The following MYOZ2 variants were observed in gnomAD, a reference collection of about 807,000 sequenced individuals.
MYOZ2 encodes the protein myozenin-2.
MYOZ2 carries 19 observed loss-of-function variants against 25.4 expected under a neutral mutation model. The ratio of observed to expected loss-of-function variants is 0.75; its 90% CI spans 0.52 to 1.10. MYOZ2 has a LOEUF of 1.10. Ranked by LOEUF, MYOZ2 falls within the 50% of genes least tolerant of loss-of-function variation. The probability of loss-of-function intolerance (pLI) is 0.00; values close to 1 mark genes in which losing one functional copy is unlikely to be tolerated. For synonymous variants in MYOZ2, 92 were observed against 106.9 expected, an observed-to-expected ratio of 0.86 and a Z score of 0.86; for missense variants, 270 against 317.9, an observed-to-expected ratio of 0.85 and a Z score of 1.15.
chr4:119,176,574 A>C (rs1472257208), intron 5 of MYOZ2, among the ~76,000 whole-genome samples: 1 of 152,220 alleles, frequency 6.6e-6, no homozygotes, highest in South Asian at 2.1e-4. Flanking sequence ...ATAAAATATC[A>C]TCTTGAACAT....
chr4:119,147,510 G>T (rs1010136373), intron 2 of MYOZ2, among the ~76,000 whole-genome samples: 9 of 152,046 alleles, frequency 5.9e-5, no homozygotes, highest in African/African-American at 1.7e-4. Context: ...GGAGACCGAG[G>T]TGGGCGGATC....
intron 2 of MYOZ2, among the ~76,000 whole-genome samples, chr4:119,148,128 G>A (rs544273903): frequency 6.6e-6 from 1 of 152,094 alleles, no homozygotes; most frequent in African/African-American, 2.4e-5. Flanking sequence ...TGGGATTCTG[G>A]GTTGACAATT....
intron 5 of MYOZ2, among the ~76,000 whole-genome samples, chr4:119,176,627 C>A (rs756074451): frequency 2.3e-4 from 35 of 152,238 alleles, no homozygotes; most frequent in Non-Finnish European, 4.3e-4. Context: ...AAATTTGAGA[C>A]ATAAAGACTC....
rs1741440979 is a variant in MYOZ2 at position 119,151,100 on chromosome 4, T to G, written c.246+59T>G. 2.7e-6 allele frequency: 4 copies of G among 1,493,396 alleles called. No homozygotes were observed. The African/African-American group carries it at 5.5e-5, about 21-fold the overall frequency. The allele number at this position is 1,493,396 out of a possible 1,614,324, so 92.5% of individuals were successfully genotyped here. On this transcript the variant is annotated intron_variant, in intron 3 of 5. Transcript: ENST00000307128. Reference sequence around the variant, plus strand: ...AATGCGCAATATTTCTAAATTTGTATTTATGACTAGTTTCTGAAGGAAGTA... The same window carrying G: ...AATGCGCAATATTTCTAAATTTGTAGTTATGACTAGTTTCTGAAGGAAGTA...
chr4:119,159,265 A>G (rs1052263376), intron 4 of MYOZ2, among the ~76,000 whole-genome samples: 1 of 152,136 alleles, frequency 6.6e-6, no homozygotes, highest in African/African-American at 2.4e-5. Flanking sequence ...CCCTATCTCT[A>G]CAAAAAATAA....
rs202187477 is a variant in MYOZ2, at chr4:119,148,725, A to ATTTTTTTTTT, written c.77-2136_77-2127dup. 8.9e-5 allele frequency among the ~76,000 whole-genome samples: 6 copies of ATTTTTTTTTT among 67,134 alleles called. 1 individual carries two copies. Among genetic ancestry groups the ATTTTTTTTTT allele is most frequent in the African/African-American group, 1.9e-4 (3 of 15,440 alleles). The allele number at this position is 67,134 out of a possible 152,430, so 44.0% of individuals were successfully genotyped here. ...TTATATCTTTTATTTCTCGACTGAG[A>ATTTTTTTTTT]TTTTTTTTTTTTTTTTTTTTGCTGC... is the stretch of plus-strand genomic sequence containing the variant. On this transcript the variant is annotated intron_variant, in intron 2 of 5. Coordinates refer to ENST00000307128, the MANE Select transcript of MYOZ2 (RefSeq NM_016599.5).
Position 119,143,305 on chromosome 4 carries a change from C to G in MYOZ2, c.76+6704C>G, listed in dbSNP as rs555758424. On this transcript the variant is annotated intron_variant, in intron 2 of 5. Transcript: ENST00000307128. ...CTGCCTCCCAGGTTCAAGCGATTCT[C>G]CTGCTTCAGCCTCCCGAGTAGCTGG... Among the ~76,000 whole-genome samples, 5 of 152,104 alleles carry G rather than the reference C, an allele frequency of 3.3e-5. No homozygotes were observed. The East Asian group carries it at 9.7e-4, about 29-fold the overall frequency.
intron 3 of MYOZ2, among the ~76,000 whole-genome samples, chr4:119,155,424 T>C (rs950318146): frequency 1.3e-5 from 2 of 152,148 alleles, no homozygotes; most frequent in Non-Finnish European, 2.9e-5. Flanking sequence ...ATAGGTTTTA[T>C]TGAAGTATTG....
chr4:119,148,563 G>A (rs6857944), intron 2 of MYOZ2, among the ~76,000 whole-genome samples: 89,577 of 151,666 alleles, frequency 0.59, 28,719 homozygotes, highest in Non-Finnish European at 0.72. Flanking sequence ...TCTCTGTGTT[G>A]GTCTTATTGG....
At chr4:119,138,654 A>C (rs894475358) in intron 2 of MYOZ2, among the ~76,000 whole-genome samples, 1 of 152,182 alleles carries the variant, frequency 6.6e-6, no homozygotes, top group African/African-American at 2.4e-5. Context: ...TATAAAGATA[A>C]ATTGAAAAGG....
At chr4:119,170,933 C>T (rs9993110) in intron 5 of MYOZ2, among the ~76,000 whole-genome samples, 52,776 of 151,966 alleles carry the variant, frequency 0.35, 10,418 homozygotes, top group East Asian at 0.52. Context: ...ATAATAGACA[C>T]ATTATCTTAA....
At chr4:119,181,644 T>G (rs987049408) in intron 5 of MYOZ2, among the ~76,000 whole-genome samples, 5 of 152,222 alleles carry the variant, frequency 3.3e-5, no homozygotes, top group Non-Finnish European at 7.3e-5. Flanking sequence ...ATATATGTGA[T>G]GGAGGCATAT....
intron 3 of MYOZ2, 93 bp downstream of exon 3, chr4:119,151,134 A>G: frequency 7.7e-7 from 1 of 1,300,188 alleles, no homozygotes; most frequent in Middle Eastern, 2.5e-4. Context: ...TATTCTATAT[A>G]TTTTCTTTCA....
At chr4:119,160,561 TG>T (rs1420709987) in intron 4 of MYOZ2, among the ~76,000 whole-genome samples, 2 of 152,172 alleles carry the variant, frequency 1.3e-5, no homozygotes, top group African/African-American at 4.8e-5. Flanking sequence ...CAACATCATA[TG>T]TGCATTTTAT....
intron 2 of MYOZ2, among the ~76,000 whole-genome samples, chr4:119,146,945 G>T (rs149522010): frequency 6.6e-6 from 1 of 151,898 alleles, no homozygotes. Context: ...TTGTGGATTC[G>T]CACTTTAATC....
chr4:119,147,094 C>T (rs6534129), intron 2 of MYOZ2, among the ~76,000 whole-genome samples: 144,524 of 152,274 alleles, frequency 0.95, 68,664 homozygotes, highest in Admixed American at 0.96. Flanking sequence ...ATAATGTTAT[C>T]ATAGGCAGTG....
Position 119,153,761 on chromosome 4 carries a change from C to A in MYOZ2, c.246+2720C>A, listed in dbSNP as rs535602111. Among the ~76,000 whole-genome samples the A allele has an allele frequency of 2.0e-5, 3 of 152,210 alleles. No homozygotes were observed. The East Asian group carries it at 5.8e-4, about 29-fold the overall frequency. Reference sequence around the variant, plus strand: ...AAAATAAGTGTAGCTTTGAATTCTACTGGTGAGGGACACTGGCAAATTCAA... The same window carrying A: ...AAAATAAGTGTAGCTTTGAATTCTAATGGTGAGGGACACTGGCAAATTCAA... On this transcript the variant is annotated intron_variant, in intron 3 of 5. Transcript: ENST00000307128.
intron 4 of MYOZ2, among the ~76,000 whole-genome samples, chr4:119,162,818 G>C (rs967745181): frequency 9.9e-5 from 15 of 152,002 alleles, no homozygotes; most frequent in African/African-American, 2.9e-4. Flanking sequence ...CTCTGTCTTG[G>C]GCATCTGAGA....
intron 5 of MYOZ2, among the ~76,000 whole-genome samples, chr4:119,173,971 C>T (rs570366437): frequency 1.2e-4 from 18 of 152,352 alleles, no homozygotes; most frequent in African/African-American, 3.8e-4. Flanking sequence ...CCAGCAGTGC[C>T]AGCCCACCGG....
Sources: allele counts gnomAD v4.1 joint callset (sites outside exome capture counted in the v4.1 genomes callset), GRCh38; gene constraint gnomAD v4.1.1; transcripts MANE v1.5; gene names NCBI Gene and HGNC (gene_info 2026-07-23, HGNC 2026-07-21).